Variants in CHD3 observed in about 807,000 individuals in gnomAD.
The protein encoded by CHD3 is ATP-dependent chromatin remodeler CHD3.
Under a neutral mutation model 248.9 loss-of-function variants are expected in CHD3, and 52 were observed. The ratio of observed to expected loss-of-function variants is 0.21; its 90% confidence interval spans 0.17 to 0.26. CHD3 has a LOEUF of 0.26. Ranked by LOEUF, CHD3 falls within the 10% of genes least tolerant of loss-of-function variation. The pLI is 1.00. For synonymous variants in CHD3, 985 were observed against 985.2 expected, an observed-to-expected ratio of 1.00 and a Z score of 0.00; for missense variants, 1,482 against 2,605.8, an observed-to-expected ratio of 0.57 and a Z score of 9.39.
At chr17:7,885,307 CCCGCCG>C (rs939052371), upstream of CHD3, 9,046 of 157,484 alleles carry the variant, frequency 0.057, 530 homozygotes, top group East Asian at 0.28. Flanking sequence ...GCACCCCTCC[CCCGCCG>C]CCGCCGCCGC....
At chr17:7,892,200 A>G (rs1321639555) in intron 4 of CHD3, among the ~76,000 whole-genome samples, 3 of 152,170 alleles carry the variant, frequency 2.0e-5, no homozygotes, top group Non-Finnish European at 4.4e-5. Flanking sequence ...TCTCAGCACC[A>G]TGGATCACCC....
Position 7,905,256 on chromosome 17 carries a change from T to G in CHD3, c.4138+91T>G, listed in dbSNP as rs756883072. The G allele has an allele frequency of 1.7e-5, 21 of 1,209,976 alleles. No homozygotes were observed. The highest frequency in any genetic ancestry group is 2.6e-5 in the Non-Finnish European group (21 of 817,752). The allele number at this position is 1,209,976 out of a possible 1,614,324, so 75.0% of individuals were successfully genotyped here. A position where few individuals can be genotyped will look rare whatever the true frequency, so the allele number is the denominator to read the frequency against. ...CACTGTTTTTATACAAGTAAAAAAG[T>G]CTTCGTGTGTGTGTGGAAAAACTCG... On this transcript the variant is annotated intron_variant, in intron 26 of 39. Transcript: ENST00000330494. The surrounding 1 kb of genome is among the most constrained non-coding windows in gnomAD (Gnocchi z 5.8).
Position 7,894,413 on chromosome 17 carries a change from A to C in CHD3, c.1076-2A>C, listed in dbSNP as rs779472258. ...TTATCCCTCCACCGGGGTATATGAC[A>C]GTCCTGGGCTGTCCTGCAGTGGCCG... On this transcript the variant is annotated splice_acceptor_variant, in intron 7 of 39. Coordinates refer to ENST00000330494, the MANE Select transcript of CHD3 (RefSeq NM_001005273.3). LOFTEE classifies it high-confidence loss of function. The C allele has an allele frequency of 1.2e-6, 2 of 1,609,312 alleles. No homozygotes were observed. The highest frequency in any genetic ancestry group is 1.7e-6 in the Non-Finnish European group (2 of 1,176,600).
intron 4 of CHD3, 73 bp from the exon 5 acceptor site, chr17:7,893,213 A>G: frequency 6.7e-7 from 1 of 1,482,034 alleles, no homozygotes; most frequent in Non-Finnish European, 9.0e-7. Flanking sequence ...CATAGATTTA[A>G]TTGATGAGGG....
In CHD3 at chr17:7,904,038, A is replaced by C. The variant is rs758200068; in HGVS notation, c.3894+47A>C. The C allele has an allele frequency of 1.3e-6, 2 of 1,591,816 alleles. No homozygotes were observed. The highest frequency in any genetic ancestry group is 4.5e-5 in the East Asian group (2 of 44,670). ...ACATTATCTATCCCAGGCCATCTCCAAAAGGCAGTATCCTTTACTCAGCCT... is the reference window on the plus strand; with the variant it reads ...ACATTATCTATCCCAGGCCATCTCCCAAAGGCAGTATCCTTTACTCAGCCT... On this transcript the variant is annotated intron_variant, in intron 24 of 39. Transcript: ENST00000330494. The surrounding 1 kb of genome is among the most constrained non-coding windows in gnomAD (Gnocchi z 4.4).
rs1767394812 is a variant in CHD3, at chr17:7,899,014, A to G, written c.2155A>G (p.Thr719Ala). 6.2e-7 allele frequency: 1 copy of G among 1,613,914 alleles called. No individual in the cohort carries two copies. Among genetic ancestry groups the G allele is most frequent in the Non-Finnish European group, 8.5e-7 (1 of 1,179,840 alleles). Residue 719 changes from threonine to alanine, a missense_variant, in exon 14 of 40, where the codon ACC (threonine) becomes GCC (alanine). Physicochemically the swap from Thr to Ala is moderately conservative, Grantham distance 58. Around this residue, in one of 20 missense-constraint regions of CHD3, gnomAD observed 127 missense variants for 188.3 expected, o/e 0.67. Transcript: ENST00000330494. This position sits in a 1 kb window ranked among gnomAD's most constrained non-coding sequence, Gnocchi z 6.8. Reference protein sequence around the residue: ...GPPSSPTNDPTVKYETQPRFI... With the variant: ...GPPSSPTNDPAVKYETQPRFI... ...TTCTGACTTCTTGTCTCTATAGCCT[A>G]CCGTGAAATATGAGACTCAGCCACG...
Position 7,889,559 on chromosome 17 carries a change from C to T in CHD3, c.101-105C>T. ...GAGGCAGGGCTTGGAGGAGTTAATGCTTCCTAGAGAGTGGGAACTGCCGAG... is the reference window on the plus strand; with the variant it reads ...GAGGCAGGGCTTGGAGGAGTTAATGTTTCCTAGAGAGTGGGAACTGCCGAG... On this transcript the variant is annotated intron_variant, in intron 1 of 39. Coordinates refer to ENST00000330494, the MANE Select transcript of CHD3 (RefSeq NM_001005273.3). This position sits in a 1 kb window ranked among gnomAD's most constrained non-coding sequence, Gnocchi z 4.5. 1.1e-6 allele frequency: 1 copy of T among 880,618 alleles called. No homozygotes were observed. The highest frequency in any genetic ancestry group is 1.7e-5 in the African/African-American group (1 of 58,858). The allele number at this position is 880,618 out of a possible 1,614,324, so 54.6% of individuals were successfully genotyped here.
intron 13 of CHD3, 122 bp from the exon 14 acceptor site, chr17:7,898,889 A>G: frequency 1.1e-6 from 1 of 905,464 alleles, no homozygotes; most frequent in Non-Finnish European, 1.8e-6. Flanking sequence ...GAACTTTTGT[A>G]AACTCAGGCC....
Position 7,904,398 on chromosome 17 carries a change from AAAG to A in CHD3, c.3895-40_3895-38del, listed in dbSNP as rs767233135. Reference sequence around the variant, plus strand: ...ATTTCCTTGCAGTGGAAGGATTAGCAAAGAAGGAGACCCCCAGTGTTCATTCAT... The same window carrying A: ...ATTTCCTTGCAGTGGAAGGATTAGCAAAGGAGACCCCCAGTGTTCATTCAT... On this transcript the variant is annotated intron_variant, in intron 24 of 39. Coordinates refer to ENST00000330494, the MANE Select transcript of CHD3 (RefSeq NM_001005273.3). This position sits in a 1 kb window ranked among gnomAD's most constrained non-coding sequence, Gnocchi z 4.4. 4.4e-6 allele frequency: 7 copies of A among 1,575,438 alleles called. No individual in the cohort carries two copies. The highest frequency in any genetic ancestry group is 6.1e-6 in the Non-Finnish European group (7 of 1,151,590).
chr17:7,895,436 C>T lies in CHD3; in HGVS notation c.1601C>T (p.Pro534Leu). Residue 534 changes from proline to leucine, a missense_variant, in exon 10 of 40, where the codon CCA (proline) becomes CTA (leucine). Pro to Leu is a moderately conservative substitution (Grantham distance 98, BLOSUM62 -3). Around this residue, in one of 20 missense-constraint regions of CHD3, gnomAD observed 24 missense variants for 18.3 expected, o/e 1.31. Transcript: ENST00000330494. The surrounding 1 kb of genome is among the most constrained non-coding windows in gnomAD (Gnocchi z 4.9). Reference protein sequence around the residue: ...VPAPQQADGNPDVPPPRPLQG... With the variant: ...VPAPQQADGNLDVPPPRPLQG... ...GCCCCTCAACAGGCAGATGGAAATC[C>T]AGATGTCCCACCCCCCCGTCCTCTT... The T allele has an allele frequency of 6.2e-7, 1 of 1,614,136 alleles. No homozygotes were observed. Among genetic ancestry groups the T allele is most frequent in the Non-Finnish European group, 8.5e-7 (1 of 1,180,020 alleles).
At position 7,903,706 on chromosome 17, in the gene CHD3, G is replaced by T; in HGVS notation, c.3728-119G>T. Reference sequence around the variant, plus strand: ...ACAAAACAAAAACCTTTCAACATTGGCTCCCGGGGAAAAAGCCTTCTCTAG... The same window carrying T: ...ACAAAACAAAAACCTTTCAACATTGTCTCCCGGGGAAAAAGCCTTCTCTAG... On this transcript the variant is annotated intron_variant, in intron 23 of 39. Transcript: ENST00000330494. This position sits in a 1 kb window ranked among gnomAD's most constrained non-coding sequence, Gnocchi z 6.8. The T allele has an allele frequency of 8.4e-7, 1 of 1,190,008 alleles. No individual in the cohort carries two copies. The highest frequency in any genetic ancestry group is 1.2e-6 in the Non-Finnish European group (1 of 852,916). 73.7% of individuals were successfully genotyped at this position (1,190,008 alleles called of 1,614,324 possible).
chr17:7,896,721 T>C (rs146731360), intron 10 of CHD3, among the ~76,000 whole-genome samples: 1,740 of 150,892 alleles, frequency 0.012, 32 homozygotes, highest in African/African-American at 0.04. Flanking sequence ...TGCAGTGGTG[T>C]GATCTTGGCT....
At position 7,908,362 on chromosome 17, in the gene CHD3, A is replaced by C; in HGVS notation, c.5153-40A>C. On this transcript the variant is annotated intron_variant, in intron 34 of 39. Transcript: ENST00000330494. This position sits in a 1 kb window ranked among gnomAD's most constrained non-coding sequence, Gnocchi z 5.8. ...GTCTGTTGGACTGAGTGCAGTCTGC[A>C]AAACCCTGTTACCTCTTCTGTCTGC... 1.3e-6 allele frequency: 2 copies of C among 1,545,190 alleles called. No homozygotes were observed. Among genetic ancestry groups the C allele is most frequent in the Non-Finnish European group, 1.8e-6 (2 of 1,126,178 alleles).
chr17:7,907,888 T>C lies in CHD3; in HGVS notation c.5027-6T>C. On this transcript the variant is annotated splice_region_variant and splice_polypyrimidine_tract_variant and intron_variant, in intron 33 of 39. Coordinates refer to ENST00000330494, the MANE Select transcript of CHD3 (RefSeq NM_001005273.3). The surrounding 1 kb of genome is among the most constrained non-coding windows in gnomAD (Gnocchi z 4.3). ...GGTGTGAGCTTTGACCTGTCTGTCCTAGCAGAAGATGTAAAAGGTGACCGG... is the reference window on the plus strand; with the variant it reads ...GGTGTGAGCTTTGACCTGTCTGTCCCAGCAGAAGATGTAAAAGGTGACCGG... 6.2e-7 allele frequency: 1 copy of C among 1,610,568 alleles called. No individual in the cohort carries two copies. Among genetic ancestry groups the C allele is most frequent in the Non-Finnish European group, 8.5e-7 (1 of 1,177,772 alleles).
Position 7,908,138 on chromosome 17 carries a change from T to C in CHD3, c.5152+119T>C, listed in dbSNP as rs1567872652. 8.0e-7 allele frequency: 1 copy of C among 1,249,974 alleles called. No individual in the cohort carries two copies. The highest frequency in any genetic ancestry group is 1.1e-6 in the Non-Finnish European group (1 of 896,492). 77.4% of individuals were successfully genotyped at this position (1,249,974 alleles called of 1,614,324 possible). On this transcript the variant is annotated intron_variant, in intron 34 of 39. Transcript: ENST00000330494. The surrounding 1 kb of genome is among the most constrained non-coding windows in gnomAD (Gnocchi z 5.8). ...ATTCCAAGTAACTTCCAATGAAGTA[T>C]GTTGCATGCTGACTCCGATCCTTGC...
rs768217347 is a variant in CHD3, at chr17:7,908,034, C to G, written c.5152+15C>G. 3.0e-5 allele frequency: 48 copies of G among 1,586,166 alleles called. No individual in the cohort carries two copies. The highest frequency in any genetic ancestry group is 6.9e-5 in the Admixed American group (4 of 57,588). Reference sequence around the variant, plus strand: ...TGGCTTCACAGGTTGGGGAGACTCTCGCTGCTTTCTGCTCCTCAAGGGGAT... The same window carrying G: ...TGGCTTCACAGGTTGGGGAGACTCTGGCTGCTTTCTGCTCCTCAAGGGGAT... On this transcript the variant is annotated intron_variant, in intron 34 of 39. Coordinates refer to ENST00000330494, the MANE Select transcript of CHD3 (RefSeq NM_001005273.3). This position sits in a 1 kb window ranked among gnomAD's most constrained non-coding sequence, Gnocchi z 5.8.
Position 7,897,059 on chromosome 17 carries a change from T to C in CHD3, c.1708-24T>C. 1.2e-6 allele frequency: 2 copies of C among 1,603,896 alleles called. No individual in the cohort carries two copies. Among genetic ancestry groups the C allele is most frequent in the South Asian group, 2.2e-5 (2 of 90,870 alleles). On this transcript the variant is annotated intron_variant, in intron 10 of 39. Transcript: ENST00000330494. The surrounding 1 kb of genome is among the most constrained non-coding windows in gnomAD (Gnocchi z 4.8). ...TCTGTGAGTGTCAGGACTATCTCTT[T>C]CCCTTTTTTCTGTGCCCTGCTAGCT...
At chr17:7,890,504 AT>A (rs375680472) in intron 2 of CHD3, 66 bp from the exon 3 acceptor site, 98 of 1,091,920 alleles carry the variant, frequency 9.0e-5, no homozygotes, top group Non-Finnish European at 1.2e-4. Context: ...AAGATATGGT[AT>A]GTGCTGAGAA....
chr17:7,899,227 G>C lies in CHD3; in HGVS notation c.2343+25G>C. 1 of 1,608,266 alleles carries C rather than the reference G, an allele frequency of 6.2e-7. No individual in the cohort carries two copies. Among genetic ancestry groups the C allele is most frequent in the Non-Finnish European group, 8.5e-7 (1 of 1,175,382 alleles). On this transcript the variant is annotated intron_variant, in intron 14 of 39. Coordinates refer to ENST00000330494, the MANE Select transcript of CHD3 (RefSeq NM_001005273.3). This position sits in a 1 kb window ranked among gnomAD's most constrained non-coding sequence, Gnocchi z 6.8. ...GGTGCTGGATTCTAGGACCTTGAAG[G>C]GGACCGCCTGGACTGGGGAAGTGGG...
Sources: gnomAD v4.1 joint callset for allele counts (sites outside exome capture counted in the v4.1 genomes callset) on GRCh38, gnomAD v4.1.1 for gene constraint, gnomAD v4.1.1 regional missense constraint, Gnocchi (gnomAD v3.1) non-coding constraint, MANE v1.5 for transcripts, NCBI Gene and HGNC (gene_info 2026-07-23, HGNC 2026-07-21) for gene names.